The following PTPRD variants were observed in gnomAD, a reference collection of about 807,000 sequenced individuals.
PTPRD encodes the protein protein tyrosine phosphatase receptor type D.
Under a neutral mutation model 214.5 loss-of-function variants are expected in PTPRD, and 34 were observed. The ratio of observed to expected loss-of-function variants is 0.16; its 90% CI spans 0.12 to 0.21. The LOEUF (loss-of-function observed/expected upper bound fraction) is 0.21. Ranked by LOEUF, PTPRD falls within the 10% of genes least tolerant of loss-of-function variation. PTPRD has a pLI of 1.00. For missense variants in PTPRD, 2,545 were observed against 2,398.7 expected (o/e 1.06, Z -1.27); for synonymous variants, 1,128 against 845.7 (o/e 1.33, Z -5.79).
intron 12 of PTPRD, among the ~76,000 whole-genome samples, chr9:8,687,240 C>T (rs1298451836): frequency 1.3e-5 from 2 of 152,122 alleles, no homozygotes; most frequent in African/African-American, 2.4e-5. Context: ...CAAGCTTATC[C>T]TACATTTGGT....
chr9:9,547,435 A>G (rs988374333), intron 8 of PTPRD, among the ~76,000 whole-genome samples: 1 of 152,106 alleles, frequency 6.6e-6, no homozygotes, highest in African/African-American at 2.4e-5. Context: ...TCTCAGAGCC[A>G]GGACTTAATT....
intron 2 of PTPRD, among the ~76,000 whole-genome samples, chr9:10,574,784 T>C (rs181081587): frequency 2.9e-5 from 4 of 136,788 alleles, no homozygotes; most frequent in Non-Finnish European, 4.8e-5. Flanking sequence ...TGTATATATA[T>C]ACACACACAT....
intron 9 of PTPRD, among the ~76,000 whole-genome samples, chr9:9,332,922 C>T (rs2382002): frequency 0.3 from 45,861 of 151,844 alleles, 10,502 homozygotes; most frequent in African/African-American, 0.64. Context: ...AACTCTTACG[C>T]TGTGTTATTC....
chr9:8,471,294 T>C (rs746915544), intron 30 of PTPRD, among the ~76,000 whole-genome samples: 16 of 152,128 alleles, frequency 1.1e-4, no homozygotes, highest in Non-Finnish European at 1.8e-4. Flanking sequence ...TGCAGTGATC[T>C]TGTATGGTAA....
chr9:9,153,397 A>T (rs2154489935), intron 10 of PTPRD, among the ~76,000 whole-genome samples: 1 of 152,226 alleles, frequency 6.6e-6, no homozygotes, highest in Non-Finnish European at 1.5e-5. Flanking sequence ...GTGTGTGAGG[A>T]TGTATGTTCT....
intron 9 of PTPRD, among the ~76,000 whole-genome samples, chr9:9,250,207 G>C (rs2099974893): frequency 6.6e-6 from 1 of 152,070 alleles, no homozygotes; most frequent in African/African-American, 2.4e-5. Context: ...CTGGCCCTGA[G>C]CATGAGCATG....
intron 7 of PTPRD, among the ~76,000 whole-genome samples, chr9:9,646,734 C>A (rs751080837): frequency 3.3e-5 from 5 of 152,052 alleles, no homozygotes; most frequent in Non-Finnish European, 7.4e-5. Context: ...CTGAACCCTA[C>A]GTACACTGTG....
chr9:8,439,350 T>G (rs1054363315), intron 34 of PTPRD, among the ~76,000 whole-genome samples: 3 of 152,206 alleles, frequency 2.0e-5, no homozygotes, highest in African/African-American at 7.2e-5. Context: ...CTTCATAACT[T>G]TCATTCTTCC....
chr9:9,032,115 C>T (rs2099607455), intron 10 of PTPRD, among the ~76,000 whole-genome samples: 1 of 151,754 alleles, frequency 6.6e-6, no homozygotes, highest in Non-Finnish European at 1.5e-5. Flanking sequence ...AGCATTTTTA[C>T]CTCCTGTTTT....
chr9:9,787,944 G>T (rs566705949), intron 5 of PTPRD, among the ~76,000 whole-genome samples: 1 of 151,496 alleles, frequency 6.6e-6, no homozygotes, highest in Non-Finnish European at 1.5e-5. Context: ...ACCATGCCTG[G>T]CTAATTTTTT....
intron 4 of PTPRD, among the ~76,000 whole-genome samples, chr9:9,949,284 G>C (rs574908429): frequency 6.6e-6 from 1 of 152,116 alleles, no homozygotes; most frequent in Admixed American, 6.5e-5. Context: ...TGAGACCAAA[G>C]CAGTGCATCT....
intron 14 of PTPRD, among the ~76,000 whole-genome samples, chr9:8,609,458 G>A (rs1481033653): frequency 6.6e-6 from 1 of 152,118 alleles, no homozygotes; most frequent in African/African-American, 2.4e-5. Flanking sequence ...TATGATAGAA[G>A]TATCATGAAA....
chr9:10,564,486 A>G (rs1365068827), intron 2 of PTPRD, among the ~76,000 whole-genome samples: 1 of 151,954 alleles, frequency 6.6e-6, no homozygotes, highest in Non-Finnish European at 1.5e-5. Flanking sequence ...TTCTAGCAGT[A>G]TGATAGTTCC....
intron 44 of PTPRD, among the ~76,000 whole-genome samples, chr9:8,326,219 C>A (rs1230436806): frequency 6.6e-6 from 1 of 152,268 alleles, no homozygotes; most frequent in East Asian, 1.9e-4. Flanking sequence ...TCATAAATAG[C>A]TCTTCTTCTT....
At chr9:9,799,822 CT>C (rs1313065684) in intron 5 of PTPRD, among the ~76,000 whole-genome samples, 1 of 152,100 alleles carries the variant, frequency 6.6e-6, no homozygotes. Context: ...AAATAGTCAT[CT>C]AAAGGGAATC....
intron 3 of PTPRD, among the ~76,000 whole-genome samples, chr9:10,034,786 C>G (rs943626969): frequency 3.4e-4 from 51 of 152,182 alleles, no homozygotes; most frequent in African/African-American, 1.2e-3. Flanking sequence ...GCATAGTATT[C>G]CATGATATAT....
chr9:9,108,464 C>A (rs1473108305), intron 10 of PTPRD, among the ~76,000 whole-genome samples: 2 of 152,136 alleles, frequency 1.3e-5, no homozygotes, highest in Admixed American at 1.3e-4. Flanking sequence ...ATTTATACAA[C>A]AAATTCTTTC....
intron 2 of PTPRD, among the ~76,000 whole-genome samples, chr9:10,590,874 G>A (rs1056778053): frequency 6.6e-6 from 1 of 150,854 alleles, no homozygotes; most frequent in African/African-American, 2.4e-5. Context: ...ACTGAAAACT[G>A]AATACCTTGT....
intron 12 of PTPRD, among the ~76,000 whole-genome samples, chr9:8,659,906 C>T (rs1032127826): frequency 1.3e-5 from 2 of 152,070 alleles, no homozygotes; most frequent in African/African-American, 4.8e-5. Context: ...AGGAATTATT[C>T]ACCAATGAAG....
Sources: gnomAD v4.1 joint callset for allele counts (sites outside exome capture counted in the v4.1 genomes callset) on GRCh38, gnomAD v4.1.1 for gene constraint, MANE v1.5 for transcripts, NCBI Gene and HGNC (gene_info 2026-07-23, HGNC 2026-07-21) for gene names.